Variants in DNASE1 observed in about 807,000 individuals in gnomAD.
The protein encoded by DNASE1 is deoxyribonuclease 1.
Under a neutral mutation model 33.9 loss-of-function variants are expected in DNASE1, and 40 were observed. That is an observed-to-expected ratio of 1.18 (90% CI 0.92 to 1.54). The LOEUF is 1.54. DNASE1 is among the 40% of genes most tolerant of loss of function. The pLI is 0.00. For synonymous variants in DNASE1, 216 were observed against 160.0 expected, an observed-to-expected ratio of 1.35 and a Z score of -2.64; for missense variants, 518 against 372.6, an observed-to-expected ratio of 1.39 and a Z score of -3.21.
upstream of DNASE1, chr16:3,640,855 G>T (rs1382211335): frequency 5.3e-5 from 21 of 398,570 alleles, no homozygotes; most frequent in East Asian, 7.5e-4. Context: ...CACCTCCGAA[G>T]ATCAGCACCT....
chr16:3,661,181 A>G (rs2043053274), downstream of DNASE1: 1 of 152,200 alleles, frequency 6.6e-6, no homozygotes, highest in Admixed American at 6.5e-5. Flanking sequence ...CCAGAACCCT[A>G]CAGAGAATGT....
chr16:3,639,744 G>C (rs915353035), upstream of DNASE1, among the ~76,000 whole-genome samples: 2 of 152,252 alleles, frequency 1.3e-5, no homozygotes. Flanking sequence ...TTTTTAAATT[G>C]GATGCTGAAT....
At chr16:3,663,259 GA>G in exon 10 of DNASE1, 1 of 892,000 alleles carries the variant, frequency 1.1e-6, no homozygotes, top group Admixed American at 2.9e-5. Flanking sequence ...TCTAAACCAG[GA>G]GGCACCTTCC....
intron 1 of DNASE1, among the ~76,000 whole-genome samples, chr16:3,635,601 C>G (rs899603019): frequency 2.6e-5 from 4 of 151,380 alleles, no homozygotes; most frequent in Admixed American, 1.3e-4. Context: ...ATATTTTTTG[C>G]AAGGCAGGTC....
chr16:3,617,326 CAAAAAAAAAAAA>C (rs56670885), intron 1 of DNASE1, among the ~76,000 whole-genome samples: 11 of 57,724 alleles, frequency 1.9e-4, no homozygotes, highest in East Asian at 4.9e-4. Flanking sequence ...AACTCCATCT[CAAAAAAAAAAAA>C]AAAAAAAAAA....
intron 1 of DNASE1, among the ~76,000 whole-genome samples, chr16:3,615,693 A>G (rs1376087360): frequency 6.6e-6 from 1 of 152,218 alleles, no homozygotes. Context: ...GTGTTATTCC[A>G]AATAGATGTG....
intron 1 of DNASE1, among the ~76,000 whole-genome samples, chr16:3,643,618 C>T (rs2151194733): frequency 6.6e-6 from 1 of 152,328 alleles, no homozygotes; most frequent in Admixed American, 6.5e-5. Flanking sequence ...CAGTCCCTGA[C>T]ACTCAGTTGA....
intron 1 of DNASE1, among the ~76,000 whole-genome samples, chr16:3,616,120 T>C (rs985475898): frequency 1.3e-5 from 2 of 152,218 alleles, no homozygotes; most frequent in Non-Finnish European, 2.9e-5. Context: ...ACAAAAGTTA[T>C]TCGAGATGAG....
chr16:3,659,979 G>C (rs1368115428), downstream of DNASE1: 1 of 152,096 alleles, frequency 6.6e-6, no homozygotes, highest in Admixed American at 6.6e-5. Flanking sequence ...CACCCGCCTA[G>C]GCCTCCCAAA....
downstream of DNASE1, chr16:3,662,949 T>G: frequency 6.2e-7 from 1 of 1,611,924 alleles, no homozygotes; most frequent in Non-Finnish European, 8.5e-7. Context: ...CGTCTCCTTC[T>G]CTGATAGGCA....
upstream of DNASE1, among the ~76,000 whole-genome samples, chr16:3,638,136 TG>T (rs2041927634): frequency 6.6e-6 from 1 of 151,462 alleles, no homozygotes; most frequent in Admixed American, 6.6e-5. Flanking sequence ...TGTGTGTGTG[TG>T]TGTTTTTCCC....
At chr16:3,662,392 C>T (rs769078243), downstream of DNASE1, 92 of 578,624 alleles carry the variant, frequency 1.6e-4, no homozygotes, top group East Asian at 2.0e-3. Flanking sequence ...CCGAATCCAT[C>T]GTCCTCTGCT....
At chr16:3,653,841 A>AAAAAAAAAAAAAATG (rs781310896), upstream of DNASE1, 2 of 125,164 alleles carry the variant, frequency 1.6e-5, no homozygotes. Flanking sequence ...AAAAAAAAAA[A>AAAAAAAAAAAAAATG]CTGAGCATGG....
intron 1 of DNASE1, among the ~76,000 whole-genome samples, chr16:3,619,507 T>A (rs571739417): frequency 6.6e-6 from 1 of 151,464 alleles, no homozygotes; most frequent in Non-Finnish European, 1.5e-5. Context: ...GGCTACAGGC[T>A]CCCGCCACCA....
At chr16:3,620,403 C>T (rs2041265635) in intron 1 of DNASE1, among the ~76,000 whole-genome samples, 1 of 151,856 alleles carries the variant, frequency 6.6e-6, no homozygotes, top group South Asian at 2.1e-4. Context: ...CTCAGTGTGT[C>T]ACCCAGGCTG....
At chr16:3,616,035 T>C (rs1325740211) in intron 1 of DNASE1, among the ~76,000 whole-genome samples, 3 of 152,184 alleles carry the variant, frequency 2.0e-5, no homozygotes, top group Admixed American at 6.5e-5. Context: ...TTTACTGTTG[T>C]ATAGTCACAT....
At chr16:3,644,477 C>T (rs999200027) in intron 1 of DNASE1, among the ~76,000 whole-genome samples, 10 of 151,984 alleles carry the variant, frequency 6.6e-5, no homozygotes, top group African/African-American at 2.4e-4. Flanking sequence ...GCAGGATAAT[C>T]GCTTGAATCT....
chr16:3,624,149 C>T lies in DNASE1; in HGVS notation c.-1359+12143C>T, dbSNP rs1002189998. Among the ~76,000 whole-genome samples the T allele has an allele frequency of 7.9e-5, 12 of 151,758 alleles. No individual in the cohort carries two copies. In the South Asian group the frequency reaches 8.3e-4, roughly 10 times the overall value. ...AAAATCAGCTGGGCGCGGTAGTGCACGCCTGTAATCCCAGGAAGCTGAGGC... is the reference window on the plus strand; with the variant it reads ...AAAATCAGCTGGGCGCGGTAGTGCATGCCTGTAATCCCAGGAAGCTGAGGC... On this transcript the variant is annotated intron_variant and NMD_transcript_variant, in intron 1 of 11. Transcript: ENST00000570769.
At position 3,656,617 on chromosome 16, in the gene DNASE1, TC is replaced by T; in HGVS notation, c.321-19del. The stretch of plus-strand genomic sequence containing the variant: ...CAGCTTCCAGCCTGGGGTCACCTCC[TC>T]CTGCCCGGCCTTCCCGCAGGCCTGA... On this transcript the variant is annotated intron_variant, in intron 4 of 8. Transcript: ENST00000246949. The T allele has an allele frequency of 6.3e-7, 1 of 1,595,494 alleles. No individual in the cohort carries two copies. The highest frequency in any genetic ancestry group is 1.1e-5 in the South Asian group (1 of 88,578).
Sources: gnomAD v4.1 joint callset for allele counts (sites outside exome capture counted in the v4.1 genomes callset) on GRCh38, gnomAD v4.1.1 for gene constraint, MANE v1.5 for transcripts, NCBI Gene and HGNC (gene_info 2026-07-23, HGNC 2026-07-21) for gene names.